SPATA7: variants seen among roughly 807,000 people sequenced by gnomAD.
SPATA7 encodes spermatogenesis associated 7.
SPATA7 carries 43 observed loss-of-function variants against 51.8 expected under a neutral mutation model. The observed-to-expected ratio is 0.83, with a 90% CI of 0.65 to 1.07. The LOEUF (loss-of-function observed/expected upper bound fraction) is 1.07, where lower values mean the gene tolerates loss of function less well. Among genes scored for constraint, SPATA7 ranks in the 50% least tolerant of loss-of-function variants. The pLI, the probability that SPATA7 is intolerant of heterozygous loss-of-function variation, is 0.00. For missense variants in SPATA7, 683 were observed against 701.3 expected (o/e 0.97, Z 0.30); for synonymous variants, 230 against 252.8 (o/e 0.91, Z 0.86).
downstream of SPATA7, among the ~76,000 whole-genome samples, chr14:88,460,045 C>G (rs917288802): frequency 1.3e-5 from 2 of 152,208 alleles, no homozygotes; most frequent in East Asian, 1.9e-4. Context: ...GGCCCCCACT[C>G]TCTTCTGGCT....
At chr14:88,439,535 A>T (rs2077163068), downstream of SPATA7, among the ~76,000 whole-genome samples, 1 of 152,210 alleles carries the variant, frequency 6.6e-6, no homozygotes, top group Admixed American at 6.5e-5. Flanking sequence ...TGTTTTTATA[A>T]GCTATATTTT....
At position 88,469,552 on chromosome 14, in the gene SPATA7, T is replaced by G; in HGVS notation, c.255-295T>G. The stretch of plus-strand genomic sequence containing the variant: ...GCCATGTTCAGGCCAGTCTGTGTAT[T>G]GGAGGTGCCAGACGGTCCTCTCTTG... On this transcript the variant is annotated intron_variant, in intron 4 of 4. Coordinates refer to the SPATA7 transcript ENST00000556406. The surrounding 1 kb of genome is among the most constrained non-coding windows in gnomAD (Gnocchi z 4.3). The G allele has an allele frequency of 6.2e-7, 1 of 1,614,198 alleles. No individual in the cohort carries two copies. Among genetic ancestry groups the G allele is most frequent in the Non-Finnish European group, 8.5e-7 (1 of 1,180,042 alleles).
At chr14:88,400,016 T>C (rs543145669) in intron 4 of SPATA7, among the ~76,000 whole-genome samples, 2 of 152,298 alleles carry the variant, frequency 1.3e-5, no homozygotes, top group Admixed American at 6.5e-5. Context: ...TTATACCCTA[T>C]TGAAGAATAC....
chr14:88,470,093 T>C lies in SPATA7; in HGVS notation c.*226T>C, dbSNP rs1334330590. ...TAAAAAAATTGATGTGTGGGTATAA[T>C]ATACATAGGTATGTATGCATGCATT... On this transcript the variant is annotated 3_prime_UTR_variant, in exon 5 of 5. Coordinates refer to the SPATA7 transcript ENST00000556406. 1.9e-6 allele frequency: 3 copies of C among 1,587,556 alleles called. No individual in the cohort carries two copies. The Admixed American group carries it at 5.0e-5, about 27-fold the overall frequency.
intron 5 of SPATA7, among the ~76,000 whole-genome samples, chr14:88,425,832 C>G (rs920450524): frequency 2.0e-5 from 3 of 152,136 alleles, no homozygotes; most frequent in African/African-American, 7.2e-5. Flanking sequence ...ACACTGCACT[C>G]TCCAATAATG....
intron 3 of SPATA7, among the ~76,000 whole-genome samples, chr14:88,447,504 T>A (rs1002076104): frequency 6.6e-5 from 10 of 152,184 alleles, no homozygotes; most frequent in Non-Finnish European, 1.5e-4. Context: ...AATATTGTAA[T>A]GTGTGAATTT....
intron 3 of SPATA7, among the ~76,000 whole-genome samples, chr14:88,452,589 G>A (rs1272665288): frequency 6.6e-6 from 1 of 152,066 alleles, no homozygotes; most frequent in Non-Finnish European, 1.5e-5. Context: ...TGGCTTTCCT[G>A]GTATATTCCT....
chr14:88,394,657 C>T (rs564949956), intron 3 of SPATA7, among the ~76,000 whole-genome samples: 2 of 152,086 alleles, frequency 1.3e-5, no homozygotes, highest in Admixed American at 6.6e-5. Flanking sequence ...ACGTTTCACT[C>T]GGGTAAATTT....
Position 88,438,381 on chromosome 14 carries a change from A to ATG in SPATA7, c.1760_1761insGT (p.Ile587MetfsTer5). On this transcript the variant is annotated frameshift_variant, in exon 12 of 12. Transcript: ENST00000393545. LOFTEE classifies it high-confidence loss of function. ...TGACATGGAGTTATCAACTCTTAAAATCATGGAAATGAGCATTGAGGACTG... is the reference window on the plus strand; with the variant it reads ...TGACATGGAGTTATCAACTCTTAAAATGTCATGGAAATGAGCATTGAGGACTG... 6.2e-7 allele frequency: 1 copy of ATG among 1,614,052 alleles called. No homozygotes were observed. Among genetic ancestry groups the ATG allele is most frequent in the Non-Finnish European group, 8.5e-7 (1 of 1,179,986 alleles).
intron 4 of SPATA7, among the ~76,000 whole-genome samples, chr14:88,396,873 TTC>T (rs954542839): frequency 2.0e-5 from 2 of 101,112 alleles, no homozygotes; most frequent in African/African-American, 5.6e-5. Context: ...CTTTTCTTTT[TTC>T]TTTTTTTTTT....
In SPATA7 at chr14:88,416,725, C is replaced by G. The variant is rs140287375; in HGVS notation, c.253C>G (p.Arg85Gly). 5.0e-6 allele frequency: 8 copies of G among 1,612,928 alleles called. No individual in the cohort carries two copies. In the Admixed American group the frequency reaches 1.3e-4, roughly 27 times the overall value. ...TTCCCTTTTAGATGCAGACCAACAA[C>G]GAAGAGAGAAACTCAAAAAGGAATT... ...STSIKYADQQ[R>G]REKLKKELAQ... Residue 85 changes from arginine (R) to glycine (G), a missense_variant, in exon 5 of 12, where the codon CGA becomes GGA. Arg to Gly is a moderately radical substitution (Grantham distance 125, BLOSUM62 -2). Transcript: ENST00000393545.
chr14:88,454,801 C>G (rs1269140285), intron 3 of SPATA7, among the ~76,000 whole-genome samples: 1 of 151,806 alleles, frequency 6.6e-6, no homozygotes, highest in African/African-American at 2.4e-5. Flanking sequence ...GAGCAAGACC[C>G]TATCTCAAAA....
intron 5 of SPATA7, among the ~76,000 whole-genome samples, chr14:88,417,642 A>G (rs1158095740): frequency 6.6e-6 from 1 of 152,194 alleles, no homozygotes; most frequent in African/African-American, 2.4e-5. Flanking sequence ...ATTACAAACA[A>G]TTGACTTTAA....
At chr14:88,390,903 T>G (rs986327749) in intron 1 of SPATA7, among the ~76,000 whole-genome samples, 1 of 152,196 alleles carries the variant, frequency 6.6e-6, no homozygotes, top group Non-Finnish European at 1.5e-5. Flanking sequence ...TCCTAAATAT[T>G]TTTTTCCTTC....
At position 88,467,992 on chromosome 14, in the gene SPATA7, G is replaced by A. The variant is rs1268009393; in HGVS notation, c.255-1855G>A. ...CTGTGCTTCGCACGTTTCCTTCAGCGTGCCGCCATTCAGACTGCGCCACTT... is the reference window on the plus strand; with the variant it reads ...CTGTGCTTCGCACGTTTCCTTCAGCATGCCGCCATTCAGACTGCGCCACTT... On this transcript the variant is annotated intron_variant, in intron 4 of 4. Coordinates refer to the SPATA7 transcript ENST00000556406. 7 of 1,027,960 alleles carry A rather than the reference G, an allele frequency of 6.8e-6. No homozygotes were observed. The East Asian group carries it at 7.2e-5, about 11-fold the overall frequency. The allele number at this position is 1,027,960 out of a possible 1,614,324, so 63.7% of individuals were successfully genotyped here.
downstream of SPATA7, among the ~76,000 whole-genome samples, chr14:88,456,860 C>G (rs1420750048): frequency 6.6e-6 from 1 of 152,118 alleles, no homozygotes; most frequent in Non-Finnish European, 1.5e-5. Context: ...GGTTTTAGGT[C>G]TAACATTTAA....
At chr14:88,466,157 T>A (rs182095616) in intron 4 of SPATA7, 1 of 152,276 alleles carries the variant, frequency 6.6e-6, no homozygotes, top group African/African-American at 2.4e-5. Flanking sequence ...TCTAAGGAGC[T>A]CGTTCTGAAT....
At chr14:88,455,746 C>T (rs2077279710), downstream of SPATA7, among the ~76,000 whole-genome samples, 1 of 151,752 alleles carries the variant, frequency 6.6e-6, no homozygotes, top group Admixed American at 6.6e-5. Flanking sequence ...TTTTATTATA[C>T]TTTAAGTTTT....
At position 88,430,380 on chromosome 14, in the gene SPATA7, A is replaced by C. The variant is rs1005249219; in HGVS notation, c.1029-792A>C. Reference sequence around the variant, plus strand: ...TTATTAATATAACTGCTCTTGAGCCAGTCTTCATTGAATATTAAGAATGAC... The same window carrying C: ...TTATTAATATAACTGCTCTTGAGCCCGTCTTCATTGAATATTAAGAATGAC... On this transcript the variant is annotated intron_variant, in intron 8 of 11. Coordinates refer to ENST00000393545, the MANE Select transcript of SPATA7 (RefSeq NM_018418.5). Among the ~76,000 whole-genome samples, 44 of 152,178 alleles carry C rather than the reference A, an allele frequency of 2.9e-4. 1 individual carries two copies. The highest frequency in any genetic ancestry group is 1.0e-3 in the African/African-American group (42 of 41,458).
Sources: gnomAD v4.1 joint callset for allele counts (sites outside exome capture counted in the v4.1 genomes callset) on GRCh38, gnomAD v4.1.1 for gene constraint, Gnocchi (gnomAD v3.1) non-coding constraint, MANE v1.5 for transcripts, NCBI Gene and HGNC (gene_info 2026-07-23, HGNC 2026-07-21) for gene names.